GALNT17: variants seen among roughly 807,000 people sequenced by gnomAD.
GALNT17 encodes polypeptide N-acetylgalactosaminyltransferase 17, also known as UDP-GalNAc:polypeptide N-acetylgalactosaminyltransferase-like 3.
A neutral mutation model predicts 63.7 loss-of-function variants in GALNT17; 29 were observed. The observed-to-expected ratio is 0.46, with a 90% CI of 0.34 to 0.62. The LOEUF (loss-of-function observed/expected upper bound fraction) is 0.62, where lower values mean the gene tolerates loss of function less well. GALNT17 is among the 20% of genes least tolerant of loss of function. The pLI is 0.01. For missense variants in GALNT17, 603 were observed against 799.6 expected (o/e 0.75, Z 2.97); for synonymous variants, 305 against 318.3 (o/e 0.96, Z 0.45).
intron 4 of GALNT17, among the ~76,000 whole-genome samples, chr7:71,417,272 C>T (rs1786552655): frequency 2.0e-5 from 3 of 152,126 alleles, no homozygotes; most frequent in African/African-American, 7.2e-5. Context: ...CTTTTAATGG[C>T]AGGATAAAAA....
intron 6 of GALNT17, among the ~76,000 whole-genome samples, chr7:71,589,257 A>G (rs1351829120): frequency 6.6e-6 from 1 of 152,190 alleles, no homozygotes; most frequent in East Asian, 1.9e-4. Flanking sequence ...AAATGTTATT[A>G]CGTTAAATGG....
Position 71,475,438 on chromosome 7 carries a change from G to A in GALNT17, c.962+54333G>A, listed in dbSNP as rs189214100. On this transcript the variant is annotated intron_variant, in intron 5 of 10. Coordinates refer to ENST00000333538, the MANE Select transcript of GALNT17 (RefSeq NM_022479.3). ...CAGGCATTAGATTCTCATAAGGAGC[G>A]TGCAACCTAGATCCCTCGCATGCAC... 9.7e-4 allele frequency among the ~76,000 whole-genome samples: 147 copies of A among 152,228 alleles called. 1 individual carries two copies. The highest frequency in any genetic ancestry group is 8.8e-4 in the Non-Finnish European group (60 of 68,014).
intron 6 of GALNT17, 72 bp downstream of exon 6, chr7:71,571,474 G>A (rs1482569104): frequency 1.5e-6 from 2 of 1,316,358 alleles, no homozygotes; most frequent in Non-Finnish European, 2.2e-6. Flanking sequence ...CATCCGTGGG[G>A]TGTATTTAAA....
intron 6 of GALNT17, among the ~76,000 whole-genome samples, chr7:71,644,876 C>T (rs1221299446): frequency 6.6e-6 from 1 of 152,140 alleles, no homozygotes; most frequent in Non-Finnish European, 1.5e-5. Flanking sequence ...ATCTCAGTGG[C>T]TTAGTATGGT....
chr7:71,293,060 GTA>G (rs796163620), intron 1 of GALNT17, among the ~76,000 whole-genome samples: 44 of 152,246 alleles, frequency 2.9e-4, no homozygotes, highest in African/African-American at 9.1e-4. Context: ...ATTCCATTGT[GTA>G]TGTGTGTGTG....
intron 5 of GALNT17, among the ~76,000 whole-genome samples, chr7:71,511,328 TA>T (rs1788352105): frequency 6.6e-6 from 1 of 152,058 alleles, no homozygotes; most frequent in African/African-American, 2.4e-5. Context: ...GTGTGGGTAA[TA>T]GGGGTTGAGG....
At chr7:71,532,214 T>A (rs1174550637) in intron 5 of GALNT17, among the ~76,000 whole-genome samples, 11 of 152,102 alleles carry the variant, frequency 7.2e-5, no homozygotes, top group Admixed American at 7.2e-4. Context: ...GTGCCTCCCA[T>A]TGGCAGAATC....
At chr7:71,697,020 A>G (rs1375030351) in intron 9 of GALNT17, among the ~76,000 whole-genome samples, 1 of 152,176 alleles carries the variant, frequency 6.6e-6, no homozygotes, top group African/African-American at 2.4e-5. Flanking sequence ...GGGTGGGGCT[A>G]GGGAGAGAAT....
chr7:71,690,343 G>A (rs539207810), intron 9 of GALNT17, among the ~76,000 whole-genome samples: 1 of 150,412 alleles, frequency 6.6e-6, no homozygotes, highest in South Asian at 2.1e-4. Context: ...ATTATATTAA[G>A]CCCACTGTCC....
intron 1 of GALNT17, among the ~76,000 whole-genome samples, chr7:71,241,190 G>A (rs1191864784): frequency 6.6e-6 from 1 of 152,152 alleles, no homozygotes; most frequent in African/African-American, 2.4e-5. Flanking sequence ...AATGCCCTTG[G>A]ATTACTTGAT....
chr7:71,651,571 G>C (rs529338745), intron 6 of GALNT17, among the ~76,000 whole-genome samples: 1 of 152,304 alleles, frequency 6.6e-6, no homozygotes, highest in South Asian at 2.1e-4. Flanking sequence ...CGAAAGTGCT[G>C]GGATTATAGG....
chr7:71,504,969 C>G (rs1032932592), intron 5 of GALNT17, among the ~76,000 whole-genome samples: 7 of 152,164 alleles, frequency 4.6e-5, no homozygotes, highest in Non-Finnish European at 1.0e-4. Context: ...CTGACATTCT[C>G]CAGCATATAT....
In GALNT17 at chr7:71,662,318, T is replaced by TTATCTATCTATCTATCTATCTATC. The variant is rs35082867; in HGVS notation, c.1081-3076_1081-3075insATCTATCTATCTATCTATCTATCT. The stretch of plus-strand genomic sequence containing the variant: ...AATCTACTTTCCCCCATCTCTCTGT[T>TTATCTATCTATCTATCTATCTATC]TATCTATCTATCTATCTGTCTGTCT... On this transcript the variant is annotated intron_variant, in intron 6 of 10. Coordinates refer to ENST00000333538, the MANE Select transcript of GALNT17 (RefSeq NM_022479.3). 8.0e-4 allele frequency among the ~76,000 whole-genome samples: 121 copies of TTATCTATCTATCTATCTATCTATC among 151,060 alleles called. 1 individual carries two copies. The highest frequency in any genetic ancestry group is 7.3e-3 in the Admixed American group (111 of 15,126).
intron 1 of GALNT17, among the ~76,000 whole-genome samples, chr7:71,261,367 C>T (rs1790382500): frequency 6.6e-6 from 1 of 152,204 alleles, no homozygotes; most frequent in Non-Finnish European, 1.5e-5. Flanking sequence ...AGCAAAAATA[C>T]TTTCCCCAAT....
chr7:71,411,803 A>G (rs1325264570), intron 3 of GALNT17, among the ~76,000 whole-genome samples: 1 of 152,082 alleles, frequency 6.6e-6, no homozygotes, highest in African/African-American at 2.4e-5. Context: ...CATTTTCTCT[A>G]ATGCATTTGA....
intron 6 of GALNT17, among the ~76,000 whole-genome samples, chr7:71,575,479 C>G (rs1789521247): frequency 6.6e-6 from 1 of 151,666 alleles, no homozygotes; most frequent in Non-Finnish European, 1.5e-5. Flanking sequence ...AGGCTCCGCC[C>G]TCGAGTTCAC....
At chr7:71,462,910 T>A (rs548297643) in intron 5 of GALNT17, among the ~76,000 whole-genome samples, 1 of 152,314 alleles carries the variant, frequency 6.6e-6, no homozygotes, top group African/African-American at 2.4e-5. Flanking sequence ...TTCACATGGC[T>A]GTAATATGTC....
At chr7:71,551,240 T>TA (rs1401430190) in intron 5 of GALNT17, among the ~76,000 whole-genome samples, 3 of 152,216 alleles carry the variant, frequency 2.0e-5, no homozygotes, top group Non-Finnish European at 4.4e-5. Flanking sequence ...AATCTGCTGA[T>TA]AAATGATCCA....
chr7:71,227,899 C>A (rs1024412600), intron 1 of GALNT17, among the ~76,000 whole-genome samples: 1 of 152,076 alleles, frequency 6.6e-6, no homozygotes, highest in African/African-American at 2.4e-5. Flanking sequence ...CCGGTCGTGG[C>A]ATGCCTGGAT....
Sources: allele counts gnomAD v4.1 joint callset (sites outside exome capture counted in the v4.1 genomes callset), GRCh38; gene constraint gnomAD v4.1.1; transcripts MANE v1.5; gene names NCBI Gene and HGNC (gene_info 2026-07-23, HGNC 2026-07-21).